The following MOSMO variants were observed in gnomAD, a reference collection of about 807,000 sequenced individuals.
MOSMO encodes modulator of smoothened protein.
MOSMO carries 5 observed loss-of-function variants against 18.4 expected under a neutral mutation model. That is an observed-to-expected ratio of 0.27 (90% CI 0.14 to 0.57). The LOEUF (loss-of-function observed/expected upper bound fraction) is 0.57, where lower values mean the gene tolerates loss of function less well. Among genes scored for constraint, MOSMO ranks in the 20% least tolerant of loss-of-function variants. MOSMO has a pLI of 0.92. For missense variants in MOSMO, 138 were observed against 211.8 expected (o/e 0.65, Z 2.16); for synonymous variants, 82 against 82.3 (o/e 1.00, Z 0.02).
At chr16:22,024,367 A>G (rs2141988636) in intron 1 of MOSMO, among the ~76,000 whole-genome samples, 1 of 148,754 alleles carries the variant, frequency 6.7e-6, no homozygotes, top group East Asian at 2.0e-4. Context: ...TATCTTTGAA[A>G]ACTTTTTTTT....
chr16:22,015,964 A>G (rs1462912633), intron 1 of MOSMO, among the ~76,000 whole-genome samples: 1 of 152,174 alleles, frequency 6.6e-6, no homozygotes, highest in Non-Finnish European at 1.5e-5. Flanking sequence ...GATTGGCCAT[A>G]CTTATTGAGT....
intron 1 of MOSMO, among the ~76,000 whole-genome samples, chr16:22,033,992 T>C (rs957800476): frequency 6.6e-6 from 1 of 152,206 alleles, no homozygotes; most frequent in Non-Finnish European, 1.5e-5. Context: ...CTCCAGTACA[T>C]ACTGGTTTTG....
chr16:22,025,350 T>A (rs1230925997), intron 1 of MOSMO, among the ~76,000 whole-genome samples: 1 of 152,156 alleles, frequency 6.6e-6, no homozygotes, highest in Non-Finnish European at 1.5e-5. Context: ...GGCAGTTATC[T>A]TAAAAATTGA....
chr16:22,086,865 C>G (rs1313248814), downstream of MOSMO: 1 of 152,128 alleles, frequency 6.6e-6, no homozygotes, highest in Non-Finnish European at 1.5e-5. Flanking sequence ...AAAGTTGGGG[C>G]TAGGTGATAA....
At chr16:22,044,671 C>A (rs1222129695) in intron 1 of MOSMO, among the ~76,000 whole-genome samples, 1 of 152,176 alleles carries the variant, frequency 6.6e-6, no homozygotes, top group Non-Finnish European at 1.5e-5. Flanking sequence ...TTACTCTCTC[C>A]ATTTCACAGA....
Position 22,075,708 on chromosome 16 carries a change from C to A in MOSMO, c.319+9C>A, listed in dbSNP as rs1000141657. ...GATAGCATTCACTGGAAGTAAGTAA[C>A]CTGTGCTTACTAAATTTGTCTAGAA... On this transcript the variant is annotated intron_variant, in intron 2 of 2. Coordinates refer to ENST00000542527, the MANE Select transcript of MOSMO (RefSeq NM_001164579.2). 3 of 1,296,752 alleles carry A rather than the reference C, an allele frequency of 2.3e-6. No homozygotes were observed. Among genetic ancestry groups the A allele is most frequent in the African/African-American group, 3.6e-5 (2 of 55,882 alleles). 80.3% of individuals were successfully genotyped at this position (1,296,752 alleles called of 1,614,324 possible).
At chr16:22,017,471 T>C (rs1348242443) in intron 1 of MOSMO, among the ~76,000 whole-genome samples, 2 of 152,208 alleles carry the variant, frequency 1.3e-5, no homozygotes, top group East Asian at 3.8e-4. Context: ...CCAAGTACTT[T>C]CTAGAATTCC....
At chr16:22,051,982 TGA>T (rs1191774229) in intron 1 of MOSMO, among the ~76,000 whole-genome samples, 2 of 152,152 alleles carry the variant, frequency 1.3e-5, no homozygotes, top group Admixed American at 1.3e-4. Context: ...AAACATGGTT[TGA>T]GAGTTTTTTT....
intron 1 of MOSMO, among the ~76,000 whole-genome samples, chr16:22,034,148 T>G (rs776274362): frequency 4.6e-5 from 7 of 152,238 alleles, no homozygotes; most frequent in African/African-American, 2.4e-5. Flanking sequence ...TCCCAATTCC[T>G]TTGTCCTCTT....
At chr16:22,051,712 G>T (rs1900431125) in intron 1 of MOSMO, among the ~76,000 whole-genome samples, 1 of 152,140 alleles carries the variant, frequency 6.6e-6, no homozygotes, top group African/African-American at 2.4e-5. Flanking sequence ...ACCCAAAAAG[G>T]GGATTGTGGG....
downstream of MOSMO, among the ~76,000 whole-genome samples, chr16:22,091,596 GC>G (rs1211998565): frequency 6.6e-6 from 1 of 152,094 alleles, no homozygotes; most frequent in Non-Finnish European, 1.5e-5. Context: ...TCACTGTGTT[GC>G]CCAAGCTGAT....
At chr16:22,047,427 G>A (rs1233292556) in intron 1 of MOSMO, among the ~76,000 whole-genome samples, 1 of 151,650 alleles carries the variant, frequency 6.6e-6, no homozygotes, top group Non-Finnish European at 1.5e-5. Context: ...TGTATTTTTA[G>A]TAGAGACGGG....
chr16:22,075,162 A>G (rs1352181879), intron 1 of MOSMO: 1 of 384,510 alleles, frequency 2.6e-6, no homozygotes, highest in Non-Finnish European at 5.1e-6. Flanking sequence ...CAGGAACCTC[A>G]TCCTGTCTGC....
rs143067080 is a variant in MOSMO at position 22,043,492 on chromosome 16, T to C, written c.107-31995T>C. On this transcript the variant is annotated intron_variant, in intron 1 of 2. Coordinates refer to ENST00000542527, the MANE Select transcript of MOSMO (RefSeq NM_001164579.2). ...TCTTCCTATATTTTATCAGTGAATA[T>C]TTATTGAGCACCTCTTTTATTCTAG... Among the ~76,000 whole-genome samples, 228 of 152,326 alleles carry C rather than the reference T, an allele frequency of 1.5e-3. 1 individual carries two copies. The highest frequency in any genetic ancestry group is 5.3e-3 in the African/African-American group (222 of 41,564).
At chr16:22,041,226 G>C (rs1900203928) in intron 1 of MOSMO, among the ~76,000 whole-genome samples, 1 of 152,198 alleles carries the variant, frequency 6.6e-6, no homozygotes, top group African/African-American at 2.4e-5. Context: ...AATGAGAAGA[G>C]AGACACTGTG....
rs1273437793 is a variant in MOSMO at position 22,008,216 on chromosome 16, C to T, written c.-86C>T. 9.2e-6 allele frequency: 6 copies of T among 653,756 alleles called. No individual in the cohort carries two copies. Among genetic ancestry groups the T allele is most frequent in the Non-Finnish European group, 1.3e-5 (6 of 471,464 alleles). The allele number at this position is 653,756 out of a possible 1,614,324, so 40.5% of individuals were successfully genotyped here. On this transcript the variant is annotated 5_prime_UTR_variant, in exon 1 of 3. Transcript: ENST00000542527. ...GCGCGAGGCAGCGGCGCGGGGACTC[C>T]GGGCCCCGGCGGCGGCCCATGGGGC...
At chr16:22,025,416 C>T (rs1161865871) in intron 1 of MOSMO, among the ~76,000 whole-genome samples, 2 of 151,968 alleles carry the variant, frequency 1.3e-5, no homozygotes, top group Admixed American at 6.6e-5. Flanking sequence ...GTTACCATAC[C>T]GATTCTACTG....
chr16:22,008,217 G>A lies in MOSMO; in HGVS notation c.-85G>A, dbSNP rs1006227330. The A allele has an allele frequency of 1.1e-4, 74 of 692,576 alleles. No individual in the cohort carries two copies. The highest frequency in any genetic ancestry group is 1.3e-4 in the Non-Finnish European group (64 of 489,016). The allele number at this position is 692,576 out of a possible 1,614,324, so 42.9% of individuals were successfully genotyped here. A position where few individuals can be genotyped will look rare whatever the true frequency, so the allele number is the denominator to read the frequency against. ...CGCGAGGCAGCGGCGCGGGGACTCC[G>A]GGCCCCGGCGGCGGCCCATGGGGCG... On this transcript the variant is annotated 5_prime_UTR_variant, in exon 1 of 3. Coordinates refer to ENST00000542527, the MANE Select transcript of MOSMO (RefSeq NM_001164579.2).
At chr16:22,029,769 G>GC (rs1185978788) in intron 1 of MOSMO, among the ~76,000 whole-genome samples, 1 of 152,116 alleles carries the variant, frequency 6.6e-6, no homozygotes, top group African/African-American at 2.4e-5. Flanking sequence ...GGGACTACAG[G>GC]CATGGACACT....
Sources: gnomAD v4.1 joint callset for allele counts (sites outside exome capture counted in the v4.1 genomes callset) on GRCh38, gnomAD v4.1.1 for gene constraint, MANE v1.5 for transcripts, NCBI Gene and HGNC (gene_info 2026-07-23, HGNC 2026-07-21) for gene names.